Variants in DYNC1I1 observed in about 807,000 individuals in gnomAD.
DYNC1I1 encodes the protein cytoplasmic dynein 1 intermediate chain 1.
A neutral mutation model predicts 86.6 loss-of-function variants in DYNC1I1; 43 were observed. The ratio of observed to expected loss-of-function variants is 0.50; its 90% CI spans 0.39 to 0.64. DYNC1I1 has a LOEUF of 0.64. Among genes scored for constraint, DYNC1I1 ranks in the 30% least tolerant of loss-of-function variants. The probability of loss-of-function intolerance (pLI) is 0.00; values close to 1 mark genes in which losing one functional copy is unlikely to be tolerated. For synonymous variants in DYNC1I1, 262 were observed against 283.7 expected, an observed-to-expected ratio of 0.92 and a Z score of 0.77; for missense variants, 604 against 788.8, an observed-to-expected ratio of 0.77 and a Z score of 2.81.
intron 6 of DYNC1I1, among the ~76,000 whole-genome samples, chr7:95,917,398 A>G (rs1333015786): frequency 2.0e-5 from 3 of 152,174 alleles, no homozygotes; most frequent in Non-Finnish European, 4.4e-5. Flanking sequence ...CAGTCCCTCA[A>G]TATTTATAAA....
At chr7:95,849,469 G>A (rs1409741884) in intron 5 of DYNC1I1, among the ~76,000 whole-genome samples, 1 of 152,096 alleles carries the variant, frequency 6.6e-6, no homozygotes, top group Non-Finnish European at 1.5e-5. Flanking sequence ...TTGTTGCAAA[G>A]ACTGTTCTTT....
chr7:96,088,527 T>G lies in DYNC1I1; in HGVS notation c.1776+8039T>G, dbSNP rs542953418. On this transcript the variant is annotated intron_variant, in intron 16 of 16. Coordinates refer to ENST00000447467, the MANE Select transcript of DYNC1I1 (RefSeq NM_001135556.2). ...TTTTTTTATGGCTGACAAAATTGTG[T>G]TTAGTTCTATAATTTCAAAATTGCT... is the stretch of plus-strand genomic sequence containing the variant. 4.6e-5 allele frequency among the ~76,000 whole-genome samples: 7 copies of G among 150,784 alleles called. No individual in the cohort carries two copies. In the East Asian group the frequency reaches 1.2e-3, roughly 25 times the overall value.
chr7:95,857,998 G>C (rs1469988970), intron 5 of DYNC1I1, among the ~76,000 whole-genome samples: 3 of 152,146 alleles, frequency 2.0e-5, no homozygotes, highest in African/African-American at 7.2e-5. Flanking sequence ...TTCTATGCCT[G>C]GTTTTCAATC....
At chr7:95,962,336 T>C in intron 6 of DYNC1I1, among the ~76,000 whole-genome samples, 1 of 152,216 alleles carries the variant, frequency 6.6e-6, no homozygotes, top group Non-Finnish European at 1.5e-5. Context: ...TCATATTTTG[T>C]TGTTTGAACT....
intron 4 of DYNC1I1, among the ~76,000 whole-genome samples, chr7:95,822,183 CT>C (rs1487918491): frequency 6.6e-6 from 1 of 152,160 alleles, no homozygotes; most frequent in East Asian, 1.9e-4. Flanking sequence ...AAAATTTTCA[CT>C]TCTTTCTGTC....
intron 1 of DYNC1I1, among the ~76,000 whole-genome samples, chr7:95,779,440 A>G (rs1367543504): frequency 9.2e-5 from 14 of 152,234 alleles, no homozygotes; most frequent in Non-Finnish European, 1.5e-5. Context: ...CAATCAGTGT[A>G]CAGGCCCCAG....
intron 6 of DYNC1I1, among the ~76,000 whole-genome samples, chr7:95,879,963 C>T (rs773721176): frequency 1.3e-5 from 2 of 152,136 alleles, no homozygotes; most frequent in Non-Finnish European, 2.9e-5. Flanking sequence ...GTTAGAGTTA[C>T]GTGTTTGCTC....
chr7:96,100,648 TTTTGTGTG>T (rs1791119244), downstream of DYNC1I1, among the ~76,000 whole-genome samples: 1 of 76,540 alleles, frequency 1.3e-5, no homozygotes, highest in Non-Finnish European at 2.6e-5. Context: ...ACTTTGAGGG[TTTTGTGTG>T]TGTGTGTGTG....
intron 2 of DYNC1I1, among the ~76,000 whole-genome samples, chr7:95,805,404 G>A (rs188073970): frequency 4.6e-5 from 7 of 152,172 alleles, no homozygotes; most frequent in Admixed American, 4.6e-4. Context: ...GTAAGGGGGA[G>A]GCTGTTCTTC....
At chr7:96,064,753 G>A (rs1789909225) in intron 14 of DYNC1I1, among the ~76,000 whole-genome samples, 1 of 152,164 alleles carries the variant, frequency 6.6e-6, no homozygotes, top group African/African-American at 2.4e-5. Context: ...GTTCACAGGT[G>A]TCAGACAAAA....
intron 1 of DYNC1I1, among the ~76,000 whole-genome samples, chr7:95,777,921 C>T (rs77120429): frequency 0.054 from 8,272 of 152,198 alleles, 282 homozygotes; most frequent in African/African-American, 0.087. Flanking sequence ...TTTAAGGTTA[C>T]ATCTAATGCT....
rs760044583 is a variant in DYNC1I1, at chr7:95,884,403, A to AT, written c.490+14418dup. Among the ~76,000 whole-genome samples, 674 of 144,950 alleles carry AT rather than the reference A, an allele frequency of 4.6e-3. 2 individuals are homozygous for AT. The highest frequency in any genetic ancestry group is 0.011 in the Middle Eastern group (3 of 274). On this transcript the variant is annotated intron_variant, in intron 6 of 16. Transcript: ENST00000447467. Reference sequence around the variant, plus strand: ...CATGAACCACTATGCCTGGCCCTTCATTTTTTTTTTTTTCTAAGAGACAGA... The same window carrying AT: ...CATGAACCACTATGCCTGGCCCTTCATTTTTTTTTTTTTTCTAAGAGACAGA...
intron 6 of DYNC1I1, among the ~76,000 whole-genome samples, chr7:95,915,298 A>G (rs1791442139): frequency 6.6e-6 from 1 of 152,234 alleles, no homozygotes; most frequent in East Asian, 1.9e-4. Flanking sequence ...TTTACAGATC[A>G]GGAGCCTGAG....
intron 6 of DYNC1I1, among the ~76,000 whole-genome samples, chr7:95,974,142 C>G (rs1793244201): frequency 6.6e-6 from 1 of 152,186 alleles, no homozygotes; most frequent in African/African-American, 2.4e-5. Context: ...CCACTCTTGA[C>G]CAGAATGCCT....
chr7:96,002,039 G>C (rs1794024802), intron 10 of DYNC1I1, among the ~76,000 whole-genome samples: 1 of 152,056 alleles, frequency 6.6e-6, no homozygotes, highest in Non-Finnish European at 1.5e-5. Context: ...ACCTAACTTA[G>C]ATTCATTCAT....
At chr7:95,991,317 C>G (rs1430320398) in intron 9 of DYNC1I1, among the ~76,000 whole-genome samples, 2 of 152,154 alleles carry the variant, frequency 1.3e-5, no homozygotes, top group African/African-American at 4.8e-5. Context: ...AATACTACAA[C>G]CTGATGTCTA....
At chr7:95,957,745 G>A (rs1321299833) in intron 6 of DYNC1I1, among the ~76,000 whole-genome samples, 1 of 152,184 alleles carries the variant, frequency 6.6e-6, no homozygotes, top group African/African-American at 2.4e-5. Flanking sequence ...TTTGCTGATT[G>A]TGGGATTTAT....
At chr7:95,986,744 T>C (rs1023570213) in intron 8 of DYNC1I1, among the ~76,000 whole-genome samples, 6 of 151,806 alleles carry the variant, frequency 4.0e-5, no homozygotes, top group Non-Finnish European at 5.9e-5. Context: ...GCCAGAGCCT[T>C]TCAGGGAGAG....
intron 7 of DYNC1I1, among the ~76,000 whole-genome samples, chr7:95,981,449 G>T (rs1188925048): frequency 6.8e-6 from 1 of 147,574 alleles, no homozygotes; most frequent in Non-Finnish European, 1.5e-5. Context: ...TTGTAATTTT[G>T]CAGGCCACAA....
Sources: gnomAD v4.1 joint callset for allele counts (sites outside exome capture counted in the v4.1 genomes callset) on GRCh38, gnomAD v4.1.1 for gene constraint, MANE v1.5 for transcripts, NCBI Gene and HGNC (gene_info 2026-07-23, HGNC 2026-07-21) for gene names.